SLC12A7: variants seen among roughly 807,000 people sequenced by gnomAD.
SLC12A7 encodes the protein solute carrier family 12 member 7.
Under a neutral mutation model 120.6 loss-of-function variants are expected in SLC12A7, and 100 were observed. The observed-to-expected ratio is 0.83, with a 90% CI of 0.71 to 0.98. SLC12A7 has a LOEUF of 0.98. SLC12A7 is among the 50% of genes least tolerant of loss of function. The pLI is 0.00. For missense variants in SLC12A7, 1,373 were observed against 1,548.1 expected (o/e 0.89, Z 1.90); for synonymous variants, 760 against 678.0 (o/e 1.12, Z -1.88).
intron 6 of SLC12A7, among the ~76,000 whole-genome samples, chr5:1,086,454 T>C (rs1026551116): frequency 3.3e-5 from 5 of 152,146 alleles, no homozygotes; most frequent in African/African-American, 4.8e-5. Flanking sequence ...TGAGCATGCC[T>C]GTTTTGAGAA....
chr5:1,090,966 G>A (rs1037099840), intron 3 of SLC12A7, among the ~76,000 whole-genome samples: 3 of 152,188 alleles, frequency 2.0e-5, no homozygotes, highest in Non-Finnish European at 4.4e-5. Context: ...GACCAGGGGC[G>A]GCCCCTGCCC....
In SLC12A7 at chr5:1,086,934, A is replaced by G. The variant is rs776324411; in HGVS notation, c.644T>C (p.Met215Thr). The change falls in exon 6 of 24, where the codon ATG (methionine) becomes ACG (threonine). Residue 215 changes from methionine to threonine, a missense_variant. Coordinates refer to ENST00000264930, the MANE Select transcript of SLC12A7 (RefSeq NM_006598.3). The stretch of plus-strand genomic sequence containing the variant: ...AATCTCGATGGTCCCCAAAATATAC[A>G]TGGCCCCTGCAAACGTCGTGCCCAG... ...FYLGTTFAGA[M>T]YILGTIEIFL... is the part of the protein sequence containing the mutation. The G allele has an allele frequency of 6.2e-7, 1 of 1,612,872 alleles. No individual in the cohort carries two copies. The highest frequency in any genetic ancestry group is 2.2e-5 in the East Asian group (1 of 44,876).
chr5:1,142,956 TGGGCCCCAGGCCCC>T, the SLC12A7 span, among the ~76,000 whole-genome samples: 418 of 151,554 alleles, frequency 2.8e-3, 2 homozygotes, highest in African/African-American at 9.6e-3. Flanking sequence ...CACTGGGCCC[TGGGCCCCAGGCCCC>T]GGGCCCCGGT....
chr5:1,101,811 T>C (rs911500194), intron 1 of SLC12A7, among the ~76,000 whole-genome samples: 40 of 130,288 alleles, frequency 3.1e-4, no homozygotes, highest in Non-Finnish European at 5.7e-4. Flanking sequence ...TAAGCAGCCT[T>C]GTGGCCCTCC....
chr5:1,142,052 G>C, the SLC12A7 span, among the ~76,000 whole-genome samples: 1 of 151,912 alleles, frequency 6.6e-6, no homozygotes, highest in Admixed American at 6.5e-5. Context: ...TTTGCTTCTG[G>C]TGCTAGAGGC....
chr5:1,076,193 C>A lies in SLC12A7; in HGVS notation c.1792G>T (p.Val598Leu). ...CYLFVNLACA[V>L]QTLLRTPNWR... ...TTGGGGGTACGTAGCAGGGTCTGCA[C>A]GGCGCAGGCCAGGTTCACGAACAGG... Residue 598 changes from valine (V) to leucine (L), a missense_variant, in exon 14 of 24, where the codon GTG becomes TTG. Transcript: ENST00000264930. 1 of 1,612,312 alleles carries A rather than the reference C, an allele frequency of 6.2e-7. No homozygotes were observed. The highest frequency in any genetic ancestry group is 8.5e-7 in the Non-Finnish European group (1 of 1,179,658).
upstream of SLC12A7, among the ~76,000 whole-genome samples, chr5:1,115,102 C>T (rs980362186): frequency 1.3e-5 from 2 of 152,240 alleles, no homozygotes; most frequent in Non-Finnish European, 1.5e-5. Flanking sequence ...TTCCAAGCAT[C>T]GGTGTCCAGC....
intron 18 of SLC12A7, among the ~76,000 whole-genome samples, chr5:1,064,903 C>CGAGGAGATGGTGAGGGGACAGG (rs1736825977): frequency 1.2e-5 from 1 of 84,694 alleles, no homozygotes; most frequent in African/African-American, 4.5e-5. Flanking sequence ...GAGGGGACCG[C>CGAGGAGATGGTGAGGGGACAGG]GAGGGGACGG....
the SLC12A7 span, among the ~76,000 whole-genome samples, chr5:1,120,895 C>T: frequency 5.3e-5 from 8 of 152,362 alleles, no homozygotes; most frequent in East Asian, 7.7e-4. Context: ...GGGCTTGGAA[C>T]GGCCACGCTT....
chr5:1,147,741 AAATT>A, the SLC12A7 span, among the ~76,000 whole-genome samples: 1 of 152,148 alleles, frequency 6.6e-6, no homozygotes. Context: ...TTATTTAATT[AAATT>A]AATTAATTAC....
In SLC12A7 at chr5:1,064,229, C is replaced by A. The variant is rs202124307; in HGVS notation, c.2461G>T (p.Ala821Ser). The A allele has an allele frequency of 3.1e-6, 5 of 1,611,698 alleles. No homozygotes were observed. Among genetic ancestry groups the A allele is most frequent in the Admixed American group, 3.3e-5 (2 of 59,896 alleles). ...FVDTVRDTTA[A>S]HQALLVAKNV... ...TTGGCCACCAGCAGAGCCTGGTGCG[C>A]GGCGGTGGTGTCGCGGACGGTGTCT... The change falls in exon 19 of 24, where the codon GCG (alanine) becomes TCG (serine). Residue 821 changes from alanine (A) to serine (S), a missense_variant. By Grantham distance (99) the Ala-to-Ser change is moderately conservative (BLOSUM62 1). Coordinates refer to ENST00000264930, the MANE Select transcript of SLC12A7 (RefSeq NM_006598.3).
the SLC12A7 span, among the ~76,000 whole-genome samples, chr5:1,133,628 G>A: frequency 5.9e-5 from 9 of 152,166 alleles, no homozygotes; most frequent in Admixed American, 4.6e-4. Context: ...CTTGCTGGCC[G>A]GCATGCTTGC....
chr5:1,107,360 G>A (rs1223940411), intron 1 of SLC12A7, among the ~76,000 whole-genome samples: 2 of 152,202 alleles, frequency 1.3e-5, no homozygotes. Context: ...GGCCATCTGG[G>A]AATCCCTGGG....
At position 1,081,592 on chromosome 5, in the gene SLC12A7, A is replaced by G. The variant is rs751045273; in HGVS notation, c.1282T>C (p.Phe428Leu). Residue 428 changes from phenylalanine (F) to leucine (L), a missense_variant, in exon 9 of 24, where the codon TTC becomes CTC. Phe to Leu is a conservative substitution (Grantham distance 22). Coordinates refer to ENST00000264930, the MANE Select transcript of SLC12A7 (RefSeq NM_006598.3). ...ASFTLLVGIY[F>L]PSVTGIMAGS... Reference sequence around the variant, plus strand: ...GCGGGCTCACCGGTCACGGAAGGGAAGTAGATGCCAACCAGCAGGGTGAAG... The same window carrying G: ...GCGGGCTCACCGGTCACGGAAGGGAGGTAGATGCCAACCAGCAGGGTGAAG... 6 of 1,603,364 alleles carry G rather than the reference A, an allele frequency of 3.7e-6. No individual in the cohort carries two copies. The highest frequency in any genetic ancestry group is 5.1e-6 in the Non-Finnish European group (6 of 1,171,716).
At chr5:1,055,550 C>T (rs966314532) in intron 22 of SLC12A7, among the ~76,000 whole-genome samples, 11 of 152,208 alleles carry the variant, frequency 7.2e-5, no homozygotes, top group African/African-American at 2.7e-4. Flanking sequence ...AATGCCATCC[C>T]AGACGCACGC....
Position 1,064,186 on chromosome 5 carries a change from G to C in SLC12A7, c.2504C>G (p.Pro835Arg), listed in dbSNP as rs770624765. 5.0e-6 allele frequency: 8 copies of C among 1,612,358 alleles called. No homozygotes were observed. In the South Asian group the frequency reaches 8.8e-5, roughly 18 times the overall value. The change falls in exon 19 of 24, where the codon CCG becomes CGG. Residue 835 changes from proline (P) to arginine (R), a missense_variant. Transcript: ENST00000264930. Reference sequence around the variant, plus strand: ...CCCGCCGAAGCGCTCCTGGTTTTGCGGAAACGAGTCGACGTTCTTGGCCAC... The same window carrying C: ...CCCGCCGAAGCGCTCCTGGTTTTGCCGAAACGAGTCGACGTTCTTGGCCAC... ...LLVAKNVDSF[P>R]QNQERFGGGH... is the part of the protein sequence containing the mutation.
At position 1,094,163 on chromosome 5, in the gene SLC12A7, T is replaced by C. The variant is rs1451829767; in HGVS notation, c.210A>G (p.Ala70=). ...QESFFEGKNM[A]LFEEEMDSNP... ...TAAAAAGTAAAGTTACCTCGAAAAGTGCCATGTTCTTCCCTTCAAAGAAGC... is the reference window on the plus strand; with the variant it reads ...TAAAAAGTAAAGTTACCTCGAAAAGCGCCATGTTCTTCCCTTCAAAGAAGC... The change falls in exon 2 of 24, where the codon GCA becomes GCG. Residue 70 remains alanine (A), a synonymous_variant. Coordinates refer to ENST00000264930, the MANE Select transcript of SLC12A7 (RefSeq NM_006598.3). The C allele has an allele frequency of 6.2e-7, 1 of 1,612,000 alleles. No homozygotes were observed. Among genetic ancestry groups the C allele is most frequent in the Non-Finnish European group, 8.5e-7 (1 of 1,178,488 alleles).
intron 21 of SLC12A7, 103 bp from the exon 22 acceptor site, chr5:1,057,752 G>A (rs1360425353): frequency 2.6e-6 from 3 of 1,154,748 alleles, no homozygotes; most frequent in Non-Finnish European, 3.7e-6. Context: ...CACAGAACCT[G>A]AAGGGCCCTG....
chr5:1,082,524 G>A (rs1194450863), intron 8 of SLC12A7, among the ~76,000 whole-genome samples: 7 of 127,450 alleles, frequency 5.5e-5, no homozygotes, highest in African/African-American at 9.2e-5. Flanking sequence ...CGGGCTTCCC[G>A]TCTCAGGTTC....
Sources: allele counts gnomAD v4.1 joint callset (sites outside exome capture counted in the v4.1 genomes callset), GRCh38; gene constraint gnomAD v4.1.1; transcripts MANE v1.5; gene names NCBI Gene and HGNC (gene_info 2026-07-23, HGNC 2026-07-21).